AMPH: variants seen among roughly 807,000 people sequenced by gnomAD.
AMPH encodes amphiphysin (Stiff-Mann syndrome with breast cancer 128kD autoantigen).
In AMPH, 49 loss-of-function variants were observed where a neutral mutation model predicts 99.1. The observed-to-expected ratio is 0.49, with a 90% CI of 0.39 to 0.63. The LOEUF (loss-of-function observed/expected upper bound fraction) is 0.63. Ranked by LOEUF, AMPH falls within the 20% of genes least tolerant of loss-of-function variation. The pLI is 0.00. For missense variants in AMPH, 759 were observed against 863.4 expected (o/e 0.88, Z 1.52); for synonymous variants, 314 against 317.3 (o/e 0.99, Z 0.11).
chr7:38,532,522 A>G (rs1790442176), intron 2 of AMPH, among the ~76,000 whole-genome samples: 1 of 152,184 alleles, frequency 6.6e-6, no homozygotes, highest in Non-Finnish European at 1.5e-5. Flanking sequence ...GGTAGTCTTC[A>G]TGGGTGCTAA....
At chr7:38,427,710 G>A (rs1324224697) in intron 14 of AMPH, 2 of 328,566 alleles carry the variant, frequency 6.1e-6, no homozygotes, top group African/African-American at 4.6e-5. Flanking sequence ...AGAAGTACAT[G>A]ACAATCTGTT....
intron 16 of AMPH, 126 bp from the exon 17 acceptor site, chr7:38,418,076 G>T: frequency 8.7e-7 from 1 of 1,146,814 alleles, no homozygotes; most frequent in Non-Finnish European, 1.2e-6. Context: ...TGAAATCCGT[G>T]CTGGAGAAAA....
intron 17 of AMPH, among the ~76,000 whole-genome samples, chr7:38,406,719 T>TCC (rs200108617): frequency 0.023 from 2,681 of 117,186 alleles, 62 homozygotes; most frequent in Non-Finnish European, 0.032. Context: ...CTCTCCTCTC[T>TCC]CTCTCCCTTT....
chr7:38,385,323 A>C (rs919281351), intron 20 of AMPH, among the ~76,000 whole-genome samples: 4 of 152,156 alleles, frequency 2.6e-5, no homozygotes, highest in Admixed American at 1.3e-4. Context: ...CAAGAGCATG[A>C]CCTGTTCTGG....
intron 1 of AMPH, among the ~76,000 whole-genome samples, chr7:38,614,255 T>C (rs1012634844): frequency 2.0e-5 from 3 of 152,144 alleles, no homozygotes; most frequent in Admixed American, 6.5e-5. Flanking sequence ...GAGGAATTGA[T>C]ACTGGGGGCA....
intron 1 of AMPH, among the ~76,000 whole-genome samples, chr7:38,603,609 C>T (rs968741719): frequency 1.3e-5 from 2 of 152,266 alleles, no homozygotes; most frequent in Admixed American, 6.5e-5. Flanking sequence ...TGGTTTCTAA[C>T]GCCCCTAGAC....
At chr7:38,608,630 C>T (rs1443363835) in intron 1 of AMPH, among the ~76,000 whole-genome samples, 1 of 152,076 alleles carries the variant, frequency 6.6e-6, no homozygotes, top group African/African-American at 2.4e-5. Context: ...TATATTGATG[C>T]CAATAATTGT....
At chr7:38,566,169 A>G (rs1791736103) in intron 1 of AMPH, among the ~76,000 whole-genome samples, 2 of 152,158 alleles carry the variant, frequency 1.3e-5, no homozygotes, top group African/African-American at 4.8e-5. Flanking sequence ...AAACTTCTTA[A>G]CTGCTATGAC....
chr7:38,473,673 C>T (rs1310644365), intron 7 of AMPH, among the ~76,000 whole-genome samples: 3 of 51,052 alleles, frequency 5.9e-5, no homozygotes, highest in South Asian at 9.7e-4. Flanking sequence ...CACTGCAGTC[C>T]GCAGTCCGAC....
chr7:38,422,599 TATCCATCTATC>T (rs1562742917), intron 15 of AMPH, 122 bp from the exon 16 acceptor site: 26 of 614,472 alleles, frequency 4.2e-5, no homozygotes, highest in African/African-American at 3.3e-4. Flanking sequence ...TCTATCTATC[TATCCATCTATC>T]TATCGACACT....
At chr7:38,562,476 G>A (rs1791588126) in intron 1 of AMPH, among the ~76,000 whole-genome samples, 1 of 152,156 alleles carries the variant, frequency 6.6e-6, no homozygotes, top group South Asian at 2.1e-4. Flanking sequence ...TCAGCTACTG[G>A]CACAGCAGAG....
intron 17 of AMPH, among the ~76,000 whole-genome samples, chr7:38,415,229 C>T (rs375523175): frequency 1.3e-5 from 2 of 152,240 alleles, no homozygotes; most frequent in Admixed American, 6.5e-5. Flanking sequence ...ATTATACGTG[C>T]CTCTTTACAA....
At position 38,466,169 on chromosome 7, in the gene AMPH, T is replaced by C. The variant is rs1467397898; in HGVS notation, c.666+4A>G. 2 of 1,602,422 alleles carry C rather than the reference T, an allele frequency of 1.2e-6. No individual in the cohort carries two copies. Among genetic ancestry groups the C allele is most frequent in the South Asian group, 1.1e-5 (1 of 88,188 alleles). ...CATATGCAAAAATTATCGTCATGAC[T>C]CACCACCGCAATTTCCTTATGAAAC... On this transcript the variant is annotated splice_donor_region_variant and intron_variant, in intron 8 of 20. Coordinates refer to ENST00000356264, the MANE Select transcript of AMPH (RefSeq NM_001635.4).
At chr7:38,474,324 A>C (rs13238353) in intron 7 of AMPH, among the ~76,000 whole-genome samples, 47,736 of 152,084 alleles carry the variant, frequency 0.31, 8,557 homozygotes, top group Non-Finnish European at 0.42. Context: ...GAGTAAATTC[A>C]GATGAACAAT....
At chr7:38,447,959 A>G (rs983940775) in intron 11 of AMPH, among the ~76,000 whole-genome samples, 3 of 152,182 alleles carry the variant, frequency 2.0e-5, no homozygotes, top group African/African-American at 7.2e-5. Context: ...TGACTTCCCA[A>G]TGAGGCAAAA....
At chr7:38,397,181 T>C (rs1784695077) in intron 17 of AMPH, among the ~76,000 whole-genome samples, 1 of 152,234 alleles carries the variant, frequency 6.6e-6, no homozygotes, top group African/African-American at 2.4e-5. Context: ...CTCTCCCAAG[T>C]GATTATGCAT....
chr7:38,485,135 T>C (rs1788438185), intron 5 of AMPH, among the ~76,000 whole-genome samples: 1 of 151,848 alleles, frequency 6.6e-6, no homozygotes, highest in Non-Finnish European at 1.5e-5. Context: ...TACTAATAAT[T>C]ACTTTAAATG....
At chr7:38,541,045 A>G (rs1790792158) in intron 1 of AMPH, among the ~76,000 whole-genome samples, 1 of 150,394 alleles carries the variant, frequency 6.6e-6, no homozygotes, top group Non-Finnish European at 1.5e-5. Context: ...AAAAAAAAGA[A>G]GAGCACATAA....
At chr7:38,570,755 C>A (rs1791914558) in intron 1 of AMPH, among the ~76,000 whole-genome samples, 1 of 148,890 alleles carries the variant, frequency 6.7e-6, no homozygotes, top group Admixed American at 6.9e-5. Flanking sequence ...AGGAGGTGTA[C>A]CTTCCAAAAG....
Sources: gnomAD v4.1 joint callset for allele counts (sites outside exome capture counted in the v4.1 genomes callset) on GRCh38, gnomAD v4.1.1 for gene constraint, MANE v1.5 for transcripts, NCBI Gene and HGNC (gene_info 2026-07-23, HGNC 2026-07-21) for gene names.